Variants in UNG observed in about 807,000 individuals in gnomAD.
UNG encodes uracil-DNA glycosylase.
Under a neutral mutation model 36.5 loss-of-function variants are expected in UNG, and 34 were observed. The observed-to-expected ratio is 0.93, with a 90% CI of 0.71 to 1.24. The LOEUF (loss-of-function observed/expected upper bound fraction) is 1.24. UNG is among the 50% of genes most tolerant of loss of function. The pLI, the probability that UNG is intolerant of heterozygous loss-of-function variation, is 0.00. For synonymous variants in UNG, 172 were observed against 157.8 expected (o/e 1.09, Z -0.67); for missense variants, 391 against 397.6 (o/e 0.98, Z 0.14).
At position 109,110,233 on chromosome 12, in the gene UNG, T is replaced by C; in HGVS notation, c.*264T>C. ...AAGACAGATGAGGTCAAATACTCAGTTGGCTCTCTTTATCTCCCTTGCCTT... is the reference window on the plus strand; with the variant it reads ...AAGACAGATGAGGTCAAATACTCAGCTGGCTCTCTTTATCTCCCTTGCCTT... On this transcript the variant is annotated 3_prime_UTR_variant, in exon 7 of 7. Transcript: ENST00000242576. 1 of 505,508 alleles carries C rather than the reference T, an allele frequency of 2.0e-6. No homozygotes were observed. The highest frequency in any genetic ancestry group is 3.6e-6 in the Non-Finnish European group (1 of 279,480). 31.3% of individuals were successfully genotyped at this position (505,508 alleles called of 1,614,324 possible). A position where few individuals can be genotyped will look rare whatever the true frequency, so the allele number is the denominator to read the frequency against.
chr12:109,103,425 G>C lies in UNG; in HGVS notation c.623-8G>C. ...CCTACATTTAACCTGTTTCTCTCATGTGTATAGGTGTTCTCCTTCTCAACG... is the reference window on the plus strand; with the variant it reads ...CCTACATTTAACCTGTTTCTCTCATCTGTATAGGTGTTCTCCTTCTCAACG... On this transcript the variant is annotated splice_polypyrimidine_tract_variant and splice_region_variant and intron_variant, in intron 5 of 6. Transcript: ENST00000242576. The C allele has an allele frequency of 1.9e-6, 3 of 1,613,818 alleles. No homozygotes were observed. The highest frequency in any genetic ancestry group is 2.5e-6 in the Non-Finnish European group (3 of 1,179,764).
chr12:109,101,106 CTTTTTTTTTTTTTTTT>C (rs71079522), intron 3 of UNG, among the ~76,000 whole-genome samples: 5 of 53,634 alleles, frequency 9.3e-5, no homozygotes, highest in African/African-American at 1.4e-4. Context: ...ATCTGAATTG[CTTTTTTTTTTTTTTTT>C]TTTTTTTTTT....
At chr12:109,108,711 G>T (rs2042237169) in intron 6 of UNG, among the ~76,000 whole-genome samples, 1 of 152,170 alleles carries the variant, frequency 6.6e-6, no homozygotes, top group South Asian at 2.1e-4. Context: ...GCTTTTTGCA[G>T]CCTCGAACTC....
rs1220506487 is a variant in UNG, at chr12:109,097,827, G to T, written c.132+16G>T. 3.3e-6 allele frequency: 5 copies of T among 1,533,976 alleles called. No individual in the cohort carries two copies. Among genetic ancestry groups the T allele is most frequent in the Non-Finnish European group, 4.4e-6 (5 of 1,137,704 alleles). The stretch of plus-strand genomic sequence containing the variant: ...AGATGCGGCGGTGAGGCGCGGCTTG[G>T]GCCGGGGCTAGGGGGTGAAGGGGGA... On this transcript the variant is annotated intron_variant, in intron 1 of 6. Transcript: ENST00000242576.
intron 2 of UNG, among the ~76,000 whole-genome samples, 170 bp from the exon 3 acceptor site, chr12:109,099,019 T>G (rs1021664943): frequency 1.3e-5 from 2 of 152,162 alleles, no homozygotes; most frequent in Admixed American, 6.5e-5. Flanking sequence ...TTGAACCACT[T>G]AGGTGGGGGG....
chr12:109,103,538 A>G lies in UNG; in HGVS notation c.728A>G (p.Asn243Ser). 1.2e-6 allele frequency: 2 copies of G among 1,614,176 alleles called. No homozygotes were observed. Among genetic ancestry groups the G allele is most frequent in the South Asian group, 1.1e-5 (1 of 91,080 alleles). Residue 243 changes from asparagine to serine, a missense_variant, in exon 6 of 7, where the codon AAT (asparagine) becomes AGT (serine). Transcript: ENST00000242576. ...QFTDAVVSWL[N>S]QNSNGLVFLL... is the part of the protein sequence containing the mutation. ...ACTGATGCAGTTGTGTCCTGGCTAA[A>G]TCAGAACTCGAATGGCCTTGTTTTC...
intron 3 of UNG, among the ~76,000 whole-genome samples, chr12:109,100,713 C>G (rs1489838938): frequency 2.0e-5 from 3 of 152,238 alleles, no homozygotes; most frequent in African/African-American, 7.2e-5. Flanking sequence ...GGCTTCTTGA[C>G]AGACCAGCAT....
intron 4 of UNG, 147 bp from the exon 5 acceptor site, chr12:109,102,692 T>C (rs961086636): frequency 1.5e-6 from 1 of 661,736 alleles, no homozygotes; most frequent in African/African-American, 1.8e-5. Flanking sequence ...GCAGTGTTGA[T>C]CTCATTAATC....
At position 109,109,933 on chromosome 12, in the gene UNG, G is replaced by A. The variant is rs561414480; in HGVS notation, c.906G>A (p.Lys302=). 76 of 1,614,170 alleles carry A rather than the reference G, an allele frequency of 4.7e-5. 1 individual carries two copies. In the South Asian group the frequency reaches 7.5e-4, roughly 16 times the overall value. Residue 302 remains lysine (K), a synonymous_variant, in exon 7 of 7, where the codon AAG becomes AAA. Transcript: ENST00000242576. ...HFSKTNELLQ[K]SGKKPIDWKE... is the part of the protein sequence containing the mutation. ...CAAAGACCAATGAGCTGCTGCAGAA[G>A]TCTGGCAAGAAGCCCATTGACTGGA...
intron 1 of UNG, 157 bp from the exon 2 acceptor site, chr12:109,098,275 G>C: frequency 6.5e-7 from 1 of 1,534,304 alleles, no homozygotes; most frequent in South Asian, 1.2e-5. Context: ...TTCCCGGACC[G>C]GGCCCAGCCC....
intron 4 of UNG, 23 bp from the exon 5 acceptor site, chr12:109,102,815 GT>G: frequency 6.5e-7 from 1 of 1,547,748 alleles, no homozygotes; most frequent in Non-Finnish European, 8.9e-7. Flanking sequence ...TCTGTTTTTT[GT>G]TTTTCTTGTG....
At chr12:109,101,059 T>C (rs546959189) in intron 3 of UNG, among the ~76,000 whole-genome samples, 26 of 150,624 alleles carry the variant, frequency 1.7e-4, no homozygotes, top group African/African-American at 6.1e-4. Flanking sequence ...TTAGAGGATA[T>C]AGGGGAGCAG....
Position 109,103,459 on chromosome 12 carries a change from A to T in UNG, c.649A>T (p.Thr217Ser). 1 of 1,614,036 alleles carries T rather than the reference A, an allele frequency of 6.2e-7. No homozygotes were observed. Among genetic ancestry groups the T allele is most frequent in the African/African-American group, 1.3e-5 (1 of 75,002 alleles). Reference protein sequence around the residue: ...QGVLLLNAVLTVRAHQANSHK... With the variant: ...QGVLLLNAVLSVRAHQANSHK... ...TGTTCTCCTTCTCAACGCTGTCCTCACGGTTCGTGCCCATCAAGCCAACTC... is the reference window on the plus strand; with the variant it reads ...TGTTCTCCTTCTCAACGCTGTCCTCTCGGTTCGTGCCCATCAAGCCAACTC... Residue 217 changes from threonine to serine, a missense_variant, in exon 6 of 7, where the codon ACG becomes TCG. Coordinates refer to ENST00000242576, the MANE Select transcript of UNG (RefSeq NM_080911.3).
intron 3 of UNG, among the ~76,000 whole-genome samples, chr12:109,101,312 G>A (rs1284697144): frequency 1.3e-5 from 2 of 151,776 alleles, no homozygotes; most frequent in East Asian, 2.0e-4. Context: ...AGATGGTTTC[G>A]ATATCTTGAC....
chr12:109,106,620 C>T (rs572216496), intron 6 of UNG, among the ~76,000 whole-genome samples: 7 of 151,370 alleles, frequency 4.6e-5, no homozygotes, highest in East Asian at 2.0e-4. Context: ...ATATTCTGGC[C>T]GGGTGTGGTG....
rs199956941 is a variant in UNG at position 109,098,493 on chromosome 12, C to T, written c.194C>T (p.Pro65Leu). The change falls in exon 2 of 7, where the codon CCG (proline) becomes CTG (leucine). Residue 65 changes from proline (P) to leucine (L), a missense_variant. Physicochemically the swap from Pro to Leu is moderately conservative, Grantham distance 98. Coordinates refer to ENST00000242576, the MANE Select transcript of UNG (RefSeq NM_080911.3). ...QEEPGTPPSS[P>L]LSAEQLDRIQ... is the part of the protein sequence containing the mutation. ...GAGCCTGGGACGCCGCCCTCCTCGC[C>T]GCTGAGTGCCGAGCAGTTGGACCGG... 376 of 1,612,482 alleles carry T rather than the reference C, an allele frequency of 2.3e-4. No individual in the cohort carries two copies. The highest frequency in any genetic ancestry group is 1.1e-4 in the Non-Finnish European group (131 of 1,179,688).
chr12:109,107,518 CTTTT>C (rs34833015), intron 6 of UNG, among the ~76,000 whole-genome samples: 19 of 89,430 alleles, frequency 2.1e-4, no homozygotes, highest in South Asian at 7.8e-4. Flanking sequence ...GACTATTCCT[CTTTT>C]TTTTTTTTTT....
intron 6 of UNG, among the ~76,000 whole-genome samples, chr12:109,106,291 T>C (rs183290016): frequency 8.5e-5 from 13 of 152,288 alleles, no homozygotes; most frequent in African/African-American, 3.1e-4. Flanking sequence ...GTACAGCTAC[T>C]GAGGGTAGAG....
intron 1 of UNG, chr12:109,098,180 T>A (rs2042146540): frequency 2.8e-6 from 4 of 1,415,824 alleles, no homozygotes; most frequent in Admixed American, 5.8e-5. Context: ...CTGTGCAGGG[T>A]TCCCAGTCAC....
Sources: allele counts gnomAD v4.1 joint callset (sites outside exome capture counted in the v4.1 genomes callset), GRCh38; gene constraint gnomAD v4.1.1; transcripts MANE v1.5; gene names NCBI Gene and HGNC (gene_info 2026-07-23, HGNC 2026-07-21).